Variants in BICD1 observed in about 807,000 individuals in gnomAD.
The protein encoded by BICD1 is protein bicaudal D homolog 1.
In BICD1, 35 loss-of-function variants were observed where a neutral mutation model predicts 92.5. That is an observed-to-expected ratio of 0.38 (90% confidence interval 0.29 to 0.50). The LOEUF (loss-of-function observed/expected upper bound fraction) is 0.50. Among genes scored for constraint, BICD1 ranks in the 20% least tolerant of loss-of-function variants. BICD1 has a pLI of 0.93. For synonymous variants in BICD1, 429 were observed against 465.1 expected (o/e 0.92, Z 1.00); for missense variants, 950 against 1,189.8 (o/e 0.80, Z 2.97).
intron 1 of BICD1, 91 bp from the exon 2 acceptor site, chr12:32,216,156 A>AT: frequency 7.5e-7 from 1 of 1,342,108 alleles, no homozygotes; most frequent in Non-Finnish European, 1.0e-6. Context: ...TTTCTTACAC[A>AT]TATAAGCAGA....
Position 32,379,803 on chromosome 12 carries a change from A to G in BICD1, c.*2176A>G, listed in dbSNP as rs1415955494. ...AAAGTACCTCAGAACATGTTCGTAG[A>G]TCGTCTCATCGGTTTTGTTTGGTGG... On this transcript the variant is annotated 3_prime_UTR_variant, in exon 10 of 10. Transcript: ENST00000652176. The G allele has an allele frequency of 6.6e-6, 1 of 152,166 alleles. No individual in the cohort carries two copies. The highest frequency in any genetic ancestry group is 2.4e-5 in the African/African-American group (1 of 41,440). The allele number at this position is 152,166 out of a possible 1,614,324, so 9.4% of individuals were successfully genotyped here.
intron 2 of BICD1, among the ~76,000 whole-genome samples, chr12:32,289,552 A>C (rs1379642655): frequency 1.3e-5 from 2 of 152,122 alleles, no homozygotes; most frequent in Non-Finnish European, 2.9e-5. Context: ...CACCCAGCTA[A>C]TTTTTGTATT....
At chr12:32,224,984 G>A (rs1013499305) in intron 2 of BICD1, among the ~76,000 whole-genome samples, 2 of 152,052 alleles carry the variant, frequency 1.3e-5, no homozygotes, top group African/African-American at 2.4e-5. Flanking sequence ...GAGTCACTGC[G>A]CCTGGCCAGT....
chr12:32,323,188 A>G (rs534623967), intron 4 of BICD1, among the ~76,000 whole-genome samples: 2 of 152,314 alleles, frequency 1.3e-5, no homozygotes, highest in South Asian at 4.1e-4. Context: ...TCACCTCTGG[A>G]GATACAGTCT....
At chr12:32,349,667 T>C (rs1226858272) in intron 8 of BICD1, among the ~76,000 whole-genome samples, 1 of 150,362 alleles carries the variant, frequency 6.7e-6, no homozygotes, top group Non-Finnish European at 1.5e-5. Context: ...TACTATACCA[T>C]ATAGTATAGT....
In BICD1 at chr12:32,327,652, A is replaced by G; in HGVS notation, c.1197A>G (p.Ser399=). 1 of 1,614,078 alleles carries G rather than the reference A, an allele frequency of 6.2e-7. No homozygotes were observed. The highest frequency in any genetic ancestry group is 1.1e-5 in the South Asian group (1 of 91,066). The change falls in exon 5 of 10, where the codon TCA becomes TCG. Residue 399 remains serine (S), a synonymous_variant. Coordinates refer to ENST00000652176, the MANE Select transcript of BICD1 (RefSeq NM_001714.4). ...AELDGEKGRD[S]GEEAHDYEVD... ...TGGACGGGGAGAAGGGCCGGGACTC[A>G]GGGGAGGAGGCCCATGACTATGAGG...
At chr12:32,153,035 T>C (rs1943334803) in intron 1 of BICD1, among the ~76,000 whole-genome samples, 1 of 152,192 alleles carries the variant, frequency 6.6e-6, no homozygotes, top group Non-Finnish European at 1.5e-5. Context: ...CTGAGCATAG[T>C]ATACAGTAGT....
At chr12:32,212,238 T>C (rs539649355) in intron 1 of BICD1, among the ~76,000 whole-genome samples, 137 of 152,322 alleles carry the variant, frequency 9.0e-4, no homozygotes, top group Non-Finnish European at 9.4e-4. Context: ...TTAATTTCTG[T>C]TTCTGTGAGT....
chr12:32,221,219 T>C (rs1437317574), intron 2 of BICD1, among the ~76,000 whole-genome samples: 3 of 151,580 alleles, frequency 2.0e-5, no homozygotes, highest in Non-Finnish European at 4.4e-5. Context: ...ATTGTGCACA[T>C]GTGCCCTAAA....
chr12:32,202,696 G>A (rs1055196019), intron 1 of BICD1, among the ~76,000 whole-genome samples: 3 of 151,972 alleles, frequency 2.0e-5, no homozygotes, highest in Non-Finnish European at 4.4e-5. Flanking sequence ...CTGCAGCCTC[G>A]ACCTTCCAGG....
intron 2 of BICD1, among the ~76,000 whole-genome samples, chr12:32,287,543 GT>G (rs1270593249): frequency 8.8e-5 from 12 of 136,000 alleles, no homozygotes; most frequent in Admixed American, 2.9e-4. Context: ...TTTTTTTTTT[GT>G]TTTTTTTTTT....
chr12:32,214,998 G>A (rs1592490144), intron 1 of BICD1, among the ~76,000 whole-genome samples: 1 of 152,258 alleles, frequency 6.6e-6, no homozygotes, highest in Non-Finnish European at 1.5e-5. Flanking sequence ...GGAGGCCAAG[G>A]TGGTTGAATC....
At chr12:32,179,983 C>T (rs1944224599) in intron 1 of BICD1, among the ~76,000 whole-genome samples, 2 of 94,622 alleles carry the variant, frequency 2.1e-5, no homozygotes, top group South Asian at 4.3e-4. Context: ...AAGCAAGACA[C>T]GCTCTCAAAA....
At chr12:32,239,582 G>A (rs1565610648) in intron 2 of BICD1, among the ~76,000 whole-genome samples, 8 of 150,760 alleles carry the variant, frequency 5.3e-5, no homozygotes, top group African/African-American at 4.9e-5. Context: ...GATCGTTAGC[G>A]TTTTTTAACA....
intron 1 of BICD1, among the ~76,000 whole-genome samples, chr12:32,111,798 G>C (rs1393968544): frequency 1.3e-5 from 2 of 151,304 alleles, no homozygotes; most frequent in Non-Finnish European, 2.9e-5. Flanking sequence ...TAGTAGAGAT[G>C]GGCTTTCACC....
At chr12:32,164,757 G>A (rs1943705433) in intron 1 of BICD1, among the ~76,000 whole-genome samples, 1 of 152,258 alleles carries the variant, frequency 6.6e-6, no homozygotes, top group South Asian at 2.1e-4. Context: ...TTCTTCAAGG[G>A]CCTCTAAGGA....
chr12:32,163,066 CA>C (rs1322723242), intron 1 of BICD1, among the ~76,000 whole-genome samples: 4 of 151,976 alleles, frequency 2.6e-5, no homozygotes, highest in African/African-American at 7.2e-5. Flanking sequence ...AGGACTCTTC[CA>C]AAGCCTCATG....
At chr12:32,140,902 T>A (rs550993953) in intron 1 of BICD1, among the ~76,000 whole-genome samples, 1 of 152,226 alleles carries the variant, frequency 6.6e-6, no homozygotes, top group East Asian at 1.9e-4. Flanking sequence ...GCGACTTAGG[T>A]TCTGTGATGG....
At chr12:32,150,102 C>T (rs1943246013) in intron 1 of BICD1, among the ~76,000 whole-genome samples, 1 of 152,084 alleles carries the variant, frequency 6.6e-6, no homozygotes, top group South Asian at 2.1e-4. Flanking sequence ...GAGACTTACT[C>T]ACTATCATGA....
Sources: gnomAD v4.1 joint callset for allele counts (sites outside exome capture counted in the v4.1 genomes callset) on GRCh38, gnomAD v4.1.1 for gene constraint, MANE v1.5 for transcripts, NCBI Gene and HGNC (gene_info 2026-07-23, HGNC 2026-07-21) for gene names.